The following TBC1D32 variants were observed in gnomAD, a reference collection of about 807,000 sequenced individuals.
The protein encoded by TBC1D32 is protein broad-minded.
A neutral mutation model predicts 170.3 loss-of-function variants in TBC1D32; 151 were observed. The observed-to-expected ratio is 0.89, with a 90% confidence interval of 0.78 to 1.01. The LOEUF (loss-of-function observed/expected upper bound fraction) is 1.01. Among genes scored for constraint, TBC1D32 ranks in the 50% least tolerant of loss-of-function variants. The pLI, the probability that TBC1D32 is intolerant of heterozygous loss-of-function variation, is 0.00. For missense variants in TBC1D32, 1,464 were observed against 1,457.1 expected (o/e 1.00, Z -0.08); for synonymous variants, 498 against 488.0 (o/e 1.02, Z -0.27).
chr6:121,175,404 G>A (rs181127776), intron 22 of TBC1D32, among the ~76,000 whole-genome samples: 5 of 152,226 alleles, frequency 3.3e-5, no homozygotes, highest in Admixed American at 1.3e-4. Context: ...AACAAATGAC[G>A]TAAGACTTTT....
In TBC1D32 at chr6:121,105,013, C is replaced by T. The variant is rs187735502; in HGVS notation, c.3465+1010G>A. On this transcript the variant is annotated intron_variant, in intron 30 of 31. Coordinates refer to ENST00000398212, the MANE Select transcript of TBC1D32 (RefSeq NM_152730.6). ...GGCTTATTCTTACTCAACATTAAGA[C>T]ATAATACAAAGTTACAATAAGTAAT... 3.1e-3 allele frequency among the ~76,000 whole-genome samples: 467 copies of T among 151,804 alleles called. 2 individuals carry two copies. The highest frequency in any genetic ancestry group is 7.0e-3 in the Middle Eastern group (2 of 284).
intron 22 of TBC1D32, among the ~76,000 whole-genome samples, chr6:121,161,645 T>A (rs1442978744): frequency 6.6e-6 from 1 of 152,206 alleles, no homozygotes; most frequent in Admixed American, 6.5e-5. Context: ...GCAATGAACA[T>A]AAGTGTGCCT....
At chr6:121,148,675 A>G (rs551533440) in intron 24 of TBC1D32, among the ~76,000 whole-genome samples, 1 of 152,032 alleles carries the variant, frequency 6.6e-6, no homozygotes, top group East Asian at 1.9e-4. Flanking sequence ...GTATAGTGGC[A>G]CTATCTCAGC....
At chr6:121,202,177 T>C (rs975064345) in intron 22 of TBC1D32, among the ~76,000 whole-genome samples, 2 of 149,978 alleles carry the variant, frequency 1.3e-5, no homozygotes, top group Non-Finnish European at 2.9e-5. Flanking sequence ...AATGTTTAAG[T>C]GTAATAAATT....
At chr6:121,174,212 AAT>A (rs1787447136) in intron 22 of TBC1D32, among the ~76,000 whole-genome samples, 5 of 152,192 alleles carry the variant, frequency 3.3e-5, no homozygotes, top group Admixed American at 3.3e-4. Flanking sequence ...TTAAGAAGAT[AAT>A]AACAAATATA....
chr6:121,303,354 A>T (rs1806765240), intron 9 of TBC1D32, among the ~76,000 whole-genome samples: 2 of 152,172 alleles, frequency 1.3e-5, no homozygotes, highest in Non-Finnish European at 2.9e-5. Context: ...ATTCAAATGA[A>T]ATATCACTTA....
chr6:121,330,549 A>T (rs535681642), intron 1 of TBC1D32, among the ~76,000 whole-genome samples: 1 of 152,272 alleles, frequency 6.6e-6, no homozygotes, highest in African/African-American at 2.4e-5. Context: ...AGGTACTTTT[A>T]AAAAAACAAC....
At position 121,256,093 on chromosome 6, in the gene TBC1D32, T is replaced by C. The variant is rs1326050990; in HGVS notation, c.1926A>G (p.Ala642=). Residue 642 remains alanine, a synonymous_variant, in exon 16 of 32, where the codon GCA becomes GCG. Transcript: ENST00000398212. ...TYNLHESIAK[A]WKKTSLLSER... ...GCTTGAAAATACTTACCTTTTTCCATGCCTTTGCTATAGATTCATGCAAAT... is the reference window on the plus strand; with the variant it reads ...GCTTGAAAATACTTACCTTTTTCCACGCCTTTGCTATAGATTCATGCAAAT... 2.5e-6 allele frequency: 4 copies of C among 1,608,312 alleles called. No individual in the cohort carries two copies. The highest frequency in any genetic ancestry group is 2.2e-5 in the East Asian group (1 of 44,844).
intron 1 of TBC1D32, among the ~76,000 whole-genome samples, chr6:121,334,021 C>G (rs966669941): frequency 1.3e-5 from 2 of 152,068 alleles, no homozygotes; most frequent in Non-Finnish European, 2.9e-5. Flanking sequence ...GAGCGGAGAT[C>G]GAGCCATTAC....
intron 26 of TBC1D32, among the ~76,000 whole-genome samples, chr6:121,120,733 T>C (rs569232475): frequency 6.6e-6 from 1 of 152,112 alleles, no homozygotes; most frequent in East Asian, 1.9e-4. Context: ...AGTTATAGGG[T>C]TGAATGACAC....
chr6:121,267,205 C>T (rs1461913960), intron 15 of TBC1D32, among the ~76,000 whole-genome samples: 2 of 151,396 alleles, frequency 1.3e-5, no homozygotes, highest in Non-Finnish European at 2.9e-5. Flanking sequence ...CCAGCGTGAG[C>T]GACGCAGAAG....
chr6:121,213,463 TAATAATAAAATAAAATAAAATAA>T lies in TBC1D32; in HGVS notation c.2482-8323_2482-8301del, dbSNP rs1419485601. On this transcript the variant is annotated intron_variant, in intron 21 of 31. Transcript: ENST00000398212. ...ATCCTATTCACAACTGCCACAAAAA[TAATAATAAAATAAAATAAAATAA>T]AATAAAATAAAATAAAATAAAATAA... Among the ~76,000 whole-genome samples the T allele has an allele frequency of 2.9e-3, 63 of 21,894 alleles. 3 individuals are homozygous for T. Among genetic ancestry groups the T allele is most frequent in the East Asian group, 5.8e-3 (1 of 172 alleles). 14.4% of individuals were successfully genotyped at this position (21,894 alleles called of 152,430 possible).
At chr6:121,304,731 T>C in intron 6 of TBC1D32, 24 bp downstream of exon 6, 1 of 1,571,478 alleles carries the variant, frequency 6.4e-7, no homozygotes, top group Non-Finnish European at 8.7e-7. Flanking sequence ...CAAAAAACAT[T>C]TTTAAATGTT....
chr6:121,266,998 G>A (rs1800592829), intron 15 of TBC1D32, among the ~76,000 whole-genome samples: 1 of 149,456 alleles, frequency 6.7e-6, no homozygotes, highest in Admixed American at 6.7e-5. Context: ...GATATGTGCA[G>A]CAAACCATCA....
rs367905881 is a variant in TBC1D32 at position 121,131,637 on chromosome 6, G to A, written c.2889C>T (p.Ile963=). 1.2e-6 allele frequency: 2 copies of A among 1,610,886 alleles called. No individual in the cohort carries two copies. The highest frequency in any genetic ancestry group is 1.3e-5 in the African/African-American group (1 of 74,930). ...AAACAATGTACTTACCCTCTCCACT[G>A]ATTATATCAGGTTTGGCTTTCATCA... The part of the protein sequence containing the change: ...CKMMKAKPDI[I]SGEALIELLE... The change falls in exon 25 of 32, where the codon ATC becomes ATT. Residue 963 remains isoleucine, a synonymous_variant. Transcript: ENST00000398212.
chr6:121,247,740 A>G (rs2128376791), intron 17 of TBC1D32, among the ~76,000 whole-genome samples: 1 of 149,894 alleles, frequency 6.7e-6, no homozygotes, highest in East Asian at 1.9e-4. Flanking sequence ...ACATTATACA[A>G]TAATGGATTA....
rs1807061176 is a variant in TBC1D32, at chr6:121,304,754, C to T, written c.769+1G>A. ...ATTTTTAAATGTTTTCACAAACATA[C>T]CTAAGCTTGTATAAATTTCCTTGGT... On this transcript the variant is annotated splice_donor_variant, in intron 6 of 31. Transcript: ENST00000398212. LOFTEE classifies it high-confidence loss of function. The T allele has an allele frequency of 6.3e-7, 1 of 1,597,296 alleles. No individual in the cohort carries two copies. Among genetic ancestry groups the T allele is most frequent in the Non-Finnish European group, 8.5e-7 (1 of 1,169,632 alleles).
intron 1 of TBC1D32, among the ~76,000 whole-genome samples, chr6:121,326,450 T>G (rs758960401): frequency 3.9e-5 from 6 of 152,332 alleles, no homozygotes; most frequent in Non-Finnish European, 8.8e-5. Flanking sequence ...AACATCACTA[T>G]GTACTCCATA....
chr6:121,183,732 T>C (rs941793249), intron 22 of TBC1D32, among the ~76,000 whole-genome samples: 3 of 151,974 alleles, frequency 2.0e-5, no homozygotes, highest in African/African-American at 4.8e-5. Context: ...ATAAATAAAA[T>C]GGTCAAAATT....
Sources: gnomAD v4.1 joint callset for allele counts (sites outside exome capture counted in the v4.1 genomes callset) on GRCh38, gnomAD v4.1.1 for gene constraint, MANE v1.5 for transcripts, NCBI Gene and HGNC (gene_info 2026-07-23, HGNC 2026-07-21) for gene names.